The following DACH1 variants were observed in gnomAD, a reference collection of about 807,000 sequenced individuals.
DACH1 encodes dachshund homolog 1.
Under a neutral mutation model 54.2 loss-of-function variants are expected in DACH1, and 12 were observed. The ratio of observed to expected loss-of-function variants is 0.22; its 90% CI spans 0.14 to 0.36. The LOEUF is 0.36. Among genes scored for constraint, DACH1 ranks in the 10% least tolerant of loss-of-function variants. The probability of loss-of-function intolerance (pLI) is 1.00; values close to 1 mark genes in which losing one functional copy is unlikely to be tolerated. For missense variants in DACH1, 805 were observed against 929.8 expected (o/e 0.87, Z 1.75); for synonymous variants, 386 against 366.2 (o/e 1.05, Z -0.62).
At position 71,458,575 on chromosome 13, in the gene DACH1, T is replaced by C. The variant is rs1015217651; in HGVS notation, c.2083+16566A>G. Among the ~76,000 whole-genome samples the C allele has an allele frequency of 2.0e-5, 3 of 151,944 alleles. No individual in the cohort carries two copies. The East Asian group carries it at 5.8e-4, about 29-fold the overall frequency. ...TAGATCAATTTTAGGCTTAGATGCA[T>C]GCTTCCAATATTGTGTGAGATCTTA... On this transcript the variant is annotated intron_variant, in intron 10 of 10. Coordinates refer to ENST00000613252, the MANE Select transcript of DACH1 (RefSeq NM_080759.6).
intron 2 of DACH1, among the ~76,000 whole-genome samples, chr13:71,655,419 T>G (rs935661901): frequency 2.0e-5 from 3 of 151,300 alleles, no homozygotes; most frequent in African/African-American, 7.3e-5. Context: ...TGTCTAGGCT[T>G]GAGTGCAATG....
At chr13:71,853,329 A>C (rs565154258) in intron 1 of DACH1, among the ~76,000 whole-genome samples, 39 of 152,314 alleles carry the variant, frequency 2.6e-4, no homozygotes, top group Non-Finnish European at 5.0e-4. Flanking sequence ...TTTAGGGCAC[A>C]CCACTCTGCT....
At chr13:71,508,584 A>G (rs2138251152) in intron 6 of DACH1, among the ~76,000 whole-genome samples, 1 of 151,976 alleles carries the variant, frequency 6.6e-6, no homozygotes, top group African/African-American at 2.4e-5. Context: ...CTCCCACCTC[A>G]GCCTCCTAAG....
At chr13:71,720,027 G>A (rs1883154991) in intron 1 of DACH1, among the ~76,000 whole-genome samples, 1 of 152,204 alleles carries the variant, frequency 6.6e-6, no homozygotes, top group Non-Finnish European at 1.5e-5. Context: ...CACATAAATA[G>A]ATGAATAAAC....
At chr13:71,855,628 T>C (rs1211031422) in intron 1 of DACH1, among the ~76,000 whole-genome samples, 1 of 152,006 alleles carries the variant, frequency 6.6e-6, no homozygotes, top group Non-Finnish European at 1.5e-5. Flanking sequence ...TGAATCCAGC[T>C]AAAATAAAAA....
At chr13:71,625,199 G>A (rs1318737720) in intron 3 of DACH1, among the ~76,000 whole-genome samples, 1 of 151,874 alleles carries the variant, frequency 6.6e-6, no homozygotes, top group Non-Finnish European at 1.5e-5. Context: ...AGCATCATCT[G>A]TTTGAAAATA....
chr13:71,468,289 A>G (rs528693412), intron 10 of DACH1, among the ~76,000 whole-genome samples: 1 of 152,264 alleles, frequency 6.6e-6, no homozygotes, highest in East Asian at 1.9e-4. Context: ...CTGTATACAA[A>G]CTATTGCCCA....
At chr13:71,858,665 T>C (rs1397823294) in intron 1 of DACH1, among the ~76,000 whole-genome samples, 3 of 151,672 alleles carry the variant, frequency 2.0e-5, no homozygotes, top group Non-Finnish European at 4.4e-5. Flanking sequence ...GACCAACAGC[T>C]CTCCAGTCCC....
At position 71,489,092 on chromosome 13, in the gene DACH1, T is replaced by G. The variant is rs1878777483; in HGVS notation, c.1627A>C (p.Thr543Pro). 1.2e-6 allele frequency: 2 copies of G among 1,613,822 alleles called. No individual in the cohort carries two copies. The highest frequency in any genetic ancestry group is 2.2e-5 in the South Asian group (2 of 91,060). Residue 543 changes from threonine to proline, a missense_variant, in exon 7 of 11, where the codon ACT (threonine) becomes CCT (proline). Thr to Pro is a conservative substitution (Grantham distance 38). Around this residue, in one of 3 missense-constraint regions of DACH1, gnomAD observed 472 missense variants for 545.3 expected, o/e 0.87. Coordinates refer to ENST00000613252, the MANE Select transcript of DACH1 (RefSeq NM_080759.6). The part of the protein sequence containing the change: ...ARDSLDKLSL[T>P]GHGQPLPPGF... ...GGAGGCAGTGGTTGTCCATGCCCAG[T>G]TAGAGAGAGTTTGTCAAGGCTGTCT... is the stretch of plus-strand genomic sequence containing the variant.
chr13:71,713,705 A>T (rs574657411), intron 1 of DACH1, among the ~76,000 whole-genome samples: 2 of 152,302 alleles, frequency 1.3e-5, no homozygotes, highest in East Asian at 1.9e-4. Flanking sequence ...GCAGCATGAT[A>T]AGCAATGTAT....
chr13:71,810,968 T>C (rs1887685562), intron 1 of DACH1, among the ~76,000 whole-genome samples: 1 of 152,158 alleles, frequency 6.6e-6, no homozygotes, highest in African/African-American at 2.4e-5. Flanking sequence ...AAAATCAGCA[T>C]AGAGAGGCAT....
intron 10 of DACH1, among the ~76,000 whole-genome samples, chr13:71,448,888 G>C (rs892815555): frequency 1.3e-5 from 2 of 151,206 alleles, no homozygotes; most frequent in African/African-American, 4.9e-5. Flanking sequence ...GTCAAGGTGA[G>C]AGAGGACTAG....
At chr13:71,747,933 G>C (rs189576456) in intron 1 of DACH1, among the ~76,000 whole-genome samples, 427 of 152,262 alleles carry the variant, frequency 2.8e-3, no homozygotes, top group Non-Finnish European at 4.4e-3. Context: ...GGAAGGTCTT[G>C]CCCAGTTTGT....
At chr13:71,760,270 C>T (rs1441006910) in intron 1 of DACH1, among the ~76,000 whole-genome samples, 1 of 152,146 alleles carries the variant, frequency 6.6e-6, no homozygotes, top group Non-Finnish European at 1.5e-5. Context: ...GAGCGTCTAT[C>T]ATGCTGCCAT....
chr13:71,742,498 G>C (rs1331042831), intron 1 of DACH1, among the ~76,000 whole-genome samples: 1 of 151,590 alleles, frequency 6.6e-6, no homozygotes, highest in Non-Finnish European at 1.5e-5. Flanking sequence ...TTAAATATGA[G>C]ACATTCCTAA....
intron 2 of DACH1, among the ~76,000 whole-genome samples, chr13:71,645,964 T>C (rs950296665): frequency 3.3e-5 from 5 of 152,146 alleles, no homozygotes; most frequent in Non-Finnish European, 7.4e-5. Flanking sequence ...CTGAACTCTG[T>C]CTTGAAAAGT....
intron 1 of DACH1, among the ~76,000 whole-genome samples, chr13:71,844,238 T>G (rs536141762): frequency 4.4e-4 from 67 of 152,266 alleles, no homozygotes; most frequent in Non-Finnish European, 8.7e-4. Flanking sequence ...TTCCATGAAT[T>G]TACTTAGTTT....
chr13:71,625,036 C>T (rs9542725), intron 3 of DACH1, among the ~76,000 whole-genome samples: 2,533 of 152,040 alleles, frequency 0.017, 38 homozygotes, highest in South Asian at 0.028. Flanking sequence ...CCTTACTATA[C>T]AAAGACACCT....
intron 3 of DACH1, among the ~76,000 whole-genome samples, chr13:71,575,195 C>T (rs772409236): frequency 2.6e-4 from 39 of 151,824 alleles, no homozygotes; most frequent in Admixed American, 8.5e-4. Flanking sequence ...AGAAATCATG[C>T]TTTGGAATAA....
Sources: allele counts gnomAD v4.1 joint callset (sites outside exome capture counted in the v4.1 genomes callset), GRCh38; gene constraint gnomAD v4.1.1; regional missense constraint gnomAD v4.1.1; transcripts MANE v1.5; gene names NCBI Gene and HGNC (gene_info 2026-07-23, HGNC 2026-07-21).